Variants in TMEM132C observed in about 807,000 individuals in gnomAD.
The protein encoded by TMEM132C is transmembrane protein 132C.
In TMEM132C, 29 loss-of-function variants were observed where a neutral mutation model predicts 61.4. That is an observed-to-expected ratio of 0.47 (90% CI 0.35 to 0.64). The LOEUF (loss-of-function observed/expected upper bound fraction) is 0.64. Among genes scored for constraint, TMEM132C ranks in the 30% least tolerant of loss-of-function variants. TMEM132C has a pLI of 0.00. For missense variants in TMEM132C, 1,408 were observed against 1,476.9 expected (o/e 0.95, Z 0.76); for synonymous variants, 656 against 633.1 (o/e 1.04, Z -0.54).
intron 1 of TMEM132C, among the ~76,000 whole-genome samples, chr12:128,397,239 C>T (rs1292338526): frequency 6.6e-6 from 1 of 152,202 alleles, no homozygotes; most frequent in Non-Finnish European, 1.5e-5. Context: ...CACCTGTGCC[C>T]AGGGGCCATA....
chr12:128,522,203 T>C (rs1001977067), intron 2 of TMEM132C, among the ~76,000 whole-genome samples: 1 of 152,190 alleles, frequency 6.6e-6, no homozygotes, highest in African/African-American at 2.4e-5. Context: ...TAACATCTTG[T>C]CATAACAATT....
At chr12:128,441,692 C>G (rs1260720638) in intron 2 of TMEM132C, among the ~76,000 whole-genome samples, 1 of 152,174 alleles carries the variant, frequency 6.6e-6, no homozygotes, top group Non-Finnish European at 1.5e-5. Context: ...GGAGGCTCAA[C>G]CTGAACAGCC....
At chr12:128,585,489 T>A (rs1875510959) in intron 3 of TMEM132C, among the ~76,000 whole-genome samples, 2 of 152,214 alleles carry the variant, frequency 1.3e-5, no homozygotes, top group Non-Finnish European at 2.9e-5. Context: ...ATGACCCAAC[T>A]GTTCTTGCAG....
intron 2 of TMEM132C, among the ~76,000 whole-genome samples, chr12:128,534,453 TG>T (rs1873445991): frequency 2.0e-5 from 3 of 152,288 alleles, no homozygotes; most frequent in Admixed American, 2.0e-4. Context: ...ACCCACAAAC[TG>T]GAAACCACTG....
At chr12:128,533,927 T>C (rs1873419382) in intron 2 of TMEM132C, among the ~76,000 whole-genome samples, 1 of 148,094 alleles carries the variant, frequency 6.8e-6, no homozygotes. Flanking sequence ...CACACACACA[T>C]GCTCCTCACA....
At chr12:128,573,615 T>C (rs1196571662) in intron 3 of TMEM132C, among the ~76,000 whole-genome samples, 1 of 151,444 alleles carries the variant, frequency 6.6e-6, no homozygotes, top group Non-Finnish European at 1.5e-5. Context: ...TTTTTAAAAA[T>C]TTTAAAAAAG....
At chr12:128,438,331 A>G (rs1358849746) in intron 2 of TMEM132C, among the ~76,000 whole-genome samples, 1 of 152,026 alleles carries the variant, frequency 6.6e-6, no homozygotes, top group Non-Finnish European at 1.5e-5. Context: ...AGTTACCATG[A>G]GAGCTGGTTG....
In TMEM132C at chr12:128,566,035, G is replaced by A. The variant is rs562701953; in HGVS notation, c.1121+21932G>A. Among the ~76,000 whole-genome samples, 52 of 152,070 alleles carry A rather than the reference G, an allele frequency of 3.4e-4. 4 individuals are homozygous for A. The South Asian group carries it at 8.7e-3, about 26-fold the overall frequency. On this transcript the variant is annotated intron_variant, in intron 3 of 8. Transcript: ENST00000435159. ...CTTCCGAGTAGCTGGGATTACAGGC[G>A]TGTGCCACCATGCCCAGATAGTTTT... is the stretch of plus-strand genomic sequence containing the variant.
chr12:128,496,089 T>G (rs1871946167), intron 2 of TMEM132C, among the ~76,000 whole-genome samples: 1 of 152,056 alleles, frequency 6.6e-6, no homozygotes, highest in African/African-American at 2.4e-5. Context: ...CCTTCACTTA[T>G]GAAGCTTAGT....
intron 4 of TMEM132C, among the ~76,000 whole-genome samples, chr12:128,665,616 C>A (rs1954453725): frequency 8.3e-6 from 1 of 120,926 alleles, no homozygotes; most frequent in African/African-American, 4.1e-5. Context: ...CATACCCAAA[C>A]ACAGGCACAC....
intron 1 of TMEM132C, among the ~76,000 whole-genome samples, chr12:128,365,547 A>G (rs757426205): frequency 6.6e-6 from 1 of 152,116 alleles, no homozygotes; most frequent in Non-Finnish European, 1.5e-5. Context: ...TCCCGACCAA[A>G]TTCACATTTC....
chr12:128,443,062 T>C (rs565767908), intron 2 of TMEM132C, among the ~76,000 whole-genome samples: 19 of 152,304 alleles, frequency 1.2e-4, no homozygotes, highest in African/African-American at 4.3e-4. Flanking sequence ...TCATGGTGTC[T>C]AAATGTTACT....
intron 2 of TMEM132C, among the ~76,000 whole-genome samples, chr12:128,531,044 A>G (rs1873276754): frequency 6.6e-6 from 1 of 152,244 alleles, no homozygotes; most frequent in Non-Finnish European, 1.5e-5. Flanking sequence ...AGGAATGGAA[A>G]GGTGGAATTG....
intron 3 of TMEM132C, among the ~76,000 whole-genome samples, chr12:128,594,526 AG>A (rs1287900276): frequency 6.6e-6 from 1 of 152,152 alleles, no homozygotes; most frequent in Non-Finnish European, 1.5e-5. Context: ...GGAGGTAGCC[AG>A]GGACCTCCCA....
intron 3 of TMEM132C, among the ~76,000 whole-genome samples, chr12:128,588,482 C>T (rs1428714070): frequency 6.6e-6 from 1 of 152,134 alleles, no homozygotes; most frequent in East Asian, 1.9e-4. Context: ...TGTGTGTGTT[C>T]ATTCATTCAT....
rs377487833 is a variant in TMEM132C at position 128,386,795 on chromosome 12, A to T, written c.86-27937A>T. ...TAGATCAGGTCCTGATGCGTAGTAG[A>T]TGCTCAGTATTTGTTGAGTGAATGA... On this transcript the variant is annotated intron_variant, in intron 1 of 8. Coordinates refer to ENST00000435159, the MANE Select transcript of TMEM132C (RefSeq NM_001136103.3). Among the ~76,000 whole-genome samples, 5 of 152,172 alleles carry T rather than the reference A, an allele frequency of 3.3e-5. No individual in the cohort carries two copies. The South Asian group carries it at 6.2e-4, about 19-fold the overall frequency.
intron 1 of TMEM132C, among the ~76,000 whole-genome samples, chr12:128,273,254 AT>A (rs1395663393): frequency 1.3e-5 from 2 of 151,874 alleles, no homozygotes; most frequent in Non-Finnish European, 2.9e-5. Flanking sequence ...CATACTTAGG[AT>A]TTTTTTGTTG....
At chr12:128,464,800 G>T (rs1271811971) in intron 2 of TMEM132C, among the ~76,000 whole-genome samples, 2 of 151,790 alleles carry the variant, frequency 1.3e-5, no homozygotes, top group Admixed American at 1.3e-4. Context: ...AAGAGAGGGA[G>T]GGAGGGAGGA....
At chr12:128,477,801 C>T (rs1431069952) in intron 2 of TMEM132C, among the ~76,000 whole-genome samples, 4 of 152,144 alleles carry the variant, frequency 2.6e-5, no homozygotes, top group African/African-American at 7.2e-5. Context: ...AGGTTGGTCT[C>T]GAACTCCTGA....
Sources: allele counts gnomAD v4.1 joint callset (sites outside exome capture counted in the v4.1 genomes callset), GRCh38; gene constraint gnomAD v4.1.1; transcripts MANE v1.5; gene names NCBI Gene and HGNC (gene_info 2026-07-23, HGNC 2026-07-21).